The following PHLDB2 variants were observed in gnomAD, a reference collection of about 807,000 sequenced individuals.
The protein encoded by PHLDB2 is pleckstrin homology like domain family B member 2, also known as pleckstrin homology-like domain family B member 2.
PHLDB2 carries 71 observed loss-of-function variants against 123.6 expected under a neutral mutation model. That is an observed-to-expected ratio of 0.57 (90% CI 0.47 to 0.70). The LOEUF is 0.70. Among genes scored for constraint, PHLDB2 ranks in the 30% least tolerant of loss-of-function variants. The probability of loss-of-function intolerance (pLI) is 0.00; values close to 1 mark genes in which losing one functional copy is unlikely to be tolerated. For missense variants in PHLDB2, 1,446 were observed against 1,519.5 expected (o/e 0.95, Z 0.80); for synonymous variants, 547 against 541.6 (o/e 1.01, Z -0.14).
At chr3:111,835,804 T>C (rs1481070918) in intron 1 of PHLDB2, among the ~76,000 whole-genome samples, 4 of 152,328 alleles carry the variant, frequency 2.6e-5, no homozygotes, top group Non-Finnish European at 5.9e-5. Flanking sequence ...TGACCCCATG[T>C]AGTCTTTCCT....
Position 111,851,168 on chromosome 3 carries a change from C to T in PHLDB2, c.67+5233C>T, listed in dbSNP as rs139301467. On this transcript the variant is annotated intron_variant, in intron 2 of 17. Transcript: ENST00000393923. ...CGAGATCACGCCACTGCACTCCAGC[C>T]TGGGTGACAGAGCGAGATTCTGTCT... 3.2e-3 allele frequency among the ~76,000 whole-genome samples: 462 copies of T among 146,188 alleles called. 6 individuals carry two copies. The highest frequency in any genetic ancestry group is 0.011 in the African/African-American group (428 of 38,986).
At chr3:111,961,471 C>T (rs1029876131) in intron 12 of PHLDB2, among the ~76,000 whole-genome samples, 8 of 152,056 alleles carry the variant, frequency 5.3e-5, no homozygotes, top group South Asian at 4.1e-4. Context: ...AGGGTAATTA[C>T]GAGGAGCACA....
chr3:111,760,005 C>A (rs1035238357), intron 1 of PHLDB2, among the ~76,000 whole-genome samples: 1 of 152,164 alleles, frequency 6.6e-6, no homozygotes, highest in Non-Finnish European at 1.5e-5. Flanking sequence ...TGTCTTCATG[C>A]CTCTGTATTG....
At chr3:111,737,335 C>T (rs537140507) in intron 1 of PHLDB2, among the ~76,000 whole-genome samples, 10 of 152,240 alleles carry the variant, frequency 6.6e-5, no homozygotes, top group African/African-American at 2.2e-4. Context: ...TAGTGTGCAT[C>T]CTCATCATAC....
rs2064679705 is a variant in PHLDB2, at chr3:111,859,441, A to G, written c.-150A>G. The G allele has an allele frequency of 1.0e-6, 1 of 985,584 alleles. No individual in the cohort carries two copies. Among genetic ancestry groups the G allele is most frequent in the South Asian group, 4.7e-5 (1 of 21,294 alleles). 61.1% of individuals were successfully genotyped at this position (985,584 alleles called of 1,614,324 possible). A position where few individuals can be genotyped will look rare whatever the true frequency, so the allele number is the denominator to read the frequency against. On this transcript the variant is annotated 5_prime_UTR_variant, in exon 1 of 18. Transcript: ENST00000431670. ...GCCGCGGTGGTTACAAAGGGGGTCAAGAGTGCCGGACCCAGCCGCGCGGAG... is the reference window on the plus strand; with the variant it reads ...GCCGCGGTGGTTACAAAGGGGGTCAGGAGTGCCGGACCCAGCCGCGCGGAG...
intron 2 of PHLDB2, among the ~76,000 whole-genome samples, chr3:111,900,674 T>C (rs1400405622): frequency 1.3e-5 from 2 of 152,204 alleles, no homozygotes; most frequent in Non-Finnish European, 2.9e-5. Flanking sequence ...TTTGAAATAT[T>C]GTAAGAATTA....
intron 2 of PHLDB2, among the ~76,000 whole-genome samples, chr3:111,905,276 A>G (rs1227014153): frequency 6.6e-6 from 1 of 152,194 alleles, no homozygotes; most frequent in African/African-American, 2.4e-5. Flanking sequence ...TAAGAATTCT[A>G]AAGTAGACAG....
At chr3:111,885,872 G>A (rs1247787865) in intron 2 of PHLDB2, 1 of 475,786 alleles carries the variant, frequency 2.1e-6, no homozygotes, top group Admixed American at 3.9e-5. Flanking sequence ...TGTCTAGAAA[G>A]TTGGAGTTGC....
chr3:111,791,223 A>G (rs73855622), intron 1 of PHLDB2, among the ~76,000 whole-genome samples: 2,360 of 152,304 alleles, frequency 0.015, 46 homozygotes, highest in African/African-American at 0.053. Flanking sequence ...CTGCTGGGTG[A>G]AAGGCTATGT....
At chr3:111,905,100 T>A (rs1349156256) in intron 2 of PHLDB2, among the ~76,000 whole-genome samples, 2 of 152,190 alleles carry the variant, frequency 1.3e-5, no homozygotes, top group Non-Finnish European at 2.9e-5. Flanking sequence ...TCCTTATCTG[T>A]TAAATGGGGA....
At chr3:111,942,993 GT>G (rs2070012802) in intron 8 of PHLDB2, among the ~76,000 whole-genome samples, 2 of 152,092 alleles carry the variant, frequency 1.3e-5, no homozygotes, top group Non-Finnish European at 2.9e-5. Context: ...CAGTGGTTCA[GT>G]ATTCACTAAT....
intron 2 of PHLDB2, among the ~76,000 whole-genome samples, chr3:111,910,874 A>G (rs547639382): frequency 6.9e-4 from 105 of 152,332 alleles, no homozygotes; most frequent in Non-Finnish European, 1.4e-3. Context: ...AGTGTGTCTC[A>G]GTGCAACCTG....
At chr3:111,942,345 C>T (rs2069958290) in intron 8 of PHLDB2, among the ~76,000 whole-genome samples, 2 of 152,278 alleles carry the variant, frequency 1.3e-5, no homozygotes, top group Admixed American at 6.5e-5. Flanking sequence ...CTAAAATTTA[C>T]AGTTGATCTT....
intron 1 of PHLDB2, among the ~76,000 whole-genome samples, chr3:111,749,260 C>G (rs1311678730): frequency 2.6e-5 from 4 of 151,964 alleles, no homozygotes; most frequent in Admixed American, 6.6e-5. Context: ...TATGATAGCA[C>G]AGAAATCACT....
chr3:111,827,564 A>C (rs1257043565), intron 1 of PHLDB2, among the ~76,000 whole-genome samples: 1 of 151,818 alleles, frequency 6.6e-6, no homozygotes, highest in Non-Finnish European at 1.5e-5. Flanking sequence ...AGTCCCAGCT[A>C]CTCGGGAGGC....
Position 111,969,709 on chromosome 3 carries a change from A to C in PHLDB2, c.3335A>C (p.Tyr1112Ser), listed in dbSNP as rs760955864. The C allele has an allele frequency of 1.2e-6, 2 of 1,613,910 alleles. No homozygotes were observed. Among genetic ancestry groups the C allele is most frequent in the Admixed American group, 3.3e-5 (2 of 59,992 alleles). ...QRAQARPLTR[Y>S]LPVRKEDFDL... ...TTCCAGGCTCGTCCTTTGACACGCTACCTGCCTGTCCGGAAGGAAGACTTT... is the reference window on the plus strand; with the variant it reads ...TTCCAGGCTCGTCCTTTGACACGCTCCCTGCCTGTCCGGAAGGAAGACTTT... The change falls in exon 16 of 18, where the codon TAC (tyrosine) becomes TCC (serine). Residue 1112 changes from tyrosine (Y) to serine (S), a missense_variant. Tyr to Ser is a moderately radical substitution (Grantham distance 144). This residue lies in a region of PHLDB2 where 594 missense variants were observed against 646.0 expected (regional missense o/e 0.92). Coordinates refer to ENST00000431670, the MANE Select transcript of PHLDB2 (RefSeq NM_001134438.2).
intron 1 of PHLDB2, among the ~76,000 whole-genome samples, chr3:111,813,848 G>A: frequency 6.6e-6 from 1 of 152,202 alleles, no homozygotes; most frequent in East Asian, 1.9e-4. Flanking sequence ...AACTGGGGAT[G>A]CTTTTGTGAG....
intron 1 of PHLDB2, among the ~76,000 whole-genome samples, chr3:111,804,297 C>T (rs888345614): frequency 1.3e-5 from 2 of 152,156 alleles, no homozygotes; most frequent in African/African-American, 4.8e-5. Context: ...AAGAGATAAT[C>T]TTTTAAAGCC....
At position 111,876,727 on chromosome 3, in the gene PHLDB2, C is replaced by G. The variant is rs187174856; in HGVS notation, c.-14-7337C>G. On this transcript the variant is annotated intron_variant, in intron 1 of 17. Coordinates refer to ENST00000431670, the MANE Select transcript of PHLDB2 (RefSeq NM_001134438.2). ...TAATGCTATCCCGCCCCTAGCCCCC[C>G]ACACCCTGACAAGCCATGGTGTGTG... 2.8e-4 allele frequency among the ~76,000 whole-genome samples: 43 copies of G among 152,244 alleles called. 1 individual carries two copies. In the East Asian group the frequency reaches 6.6e-3, roughly 23 times the overall value.
Sources: gnomAD v4.1 joint callset for allele counts (sites outside exome capture counted in the v4.1 genomes callset) on GRCh38, gnomAD v4.1.1 for gene constraint, gnomAD v4.1.1 regional missense constraint, MANE v1.5 for transcripts, NCBI Gene and HGNC (gene_info 2026-07-23, HGNC 2026-07-21) for gene names.